Variants in U2SURP observed in about 807,000 individuals in gnomAD.
U2SURP encodes U2 snRNP-associated SURP motif-containing protein.
A neutral mutation model predicts 144.9 loss-of-function variants in U2SURP; 9 were observed. The ratio of observed to expected loss-of-function variants is 0.06; its 90% CI spans 0.04 to 0.11. U2SURP has a LOEUF of 0.11. Among genes scored for constraint, U2SURP ranks in the 10% least tolerant of loss-of-function variants. The probability of loss-of-function intolerance (pLI) is 1.00; values close to 1 mark genes in which losing one functional copy is unlikely to be tolerated. For missense variants in U2SURP, 724 were observed against 1,226.7 expected (o/e 0.59, Z 6.12); for synonymous variants, 408 against 396.8 (o/e 1.03, Z -0.33).
chr3:143,034,855 T>TAG (rs755371277), intron 18 of U2SURP, 33 bp from the exon 19 acceptor site: 21 of 1,408,790 alleles, frequency 1.5e-5, no homozygotes, highest in Non-Finnish European at 2.1e-5. Flanking sequence ...TTTTAAACAT[T>TAG]TTATTTTAAA....
chr3:143,001,800 G>A, intron 1 of U2SURP, 127 bp downstream of exon 1: 1 of 1,249,938 alleles, frequency 8.0e-7, no homozygotes, highest in Non-Finnish European at 1.1e-6. Flanking sequence ...GTAGGCCCGG[G>A]CGCCGCCGCA....
chr3:143,004,813 G>C (rs1029670145), intron 1 of U2SURP, among the ~76,000 whole-genome samples: 6 of 151,996 alleles, frequency 3.9e-5, no homozygotes, highest in African/African-American at 1.5e-4. Context: ...CTAGAAATGA[G>C]CTAAAATTTT....
At chr3:143,049,563 G>T (rs1360990266) in intron 24 of U2SURP, among the ~76,000 whole-genome samples, 1 of 152,094 alleles carries the variant, frequency 6.6e-6, no homozygotes, top group Non-Finnish European at 1.5e-5. Context: ...CAAGATCCAT[G>T]TGCTTTCTAC....
At chr3:143,018,195 C>T (rs1425320705) in intron 6 of U2SURP, among the ~76,000 whole-genome samples, 2 of 152,094 alleles carry the variant, frequency 1.3e-5, no homozygotes, top group Admixed American at 6.6e-5. Flanking sequence ...TCAGTCACTC[C>T]CATTTTTTTT....
rs1023912711 is a variant in U2SURP at position 143,058,679 on chromosome 3, A to G, written c.*2229A>G. 6.6e-6 allele frequency: 1 copy of G among 151,906 alleles called. No individual in the cohort carries two copies. Among genetic ancestry groups the G allele is most frequent in the Non-Finnish European group, 1.5e-5 (1 of 67,802 alleles). 9.4% of individuals were successfully genotyped at this position (151,906 alleles called of 1,614,324 possible). A position where few individuals can be genotyped will look rare whatever the true frequency, so the allele number is the denominator to read the frequency against. ...ACTTAATACTCCCATGGATTCTATGAAAGTTTAATGGGATCAGAAATTGGT... is the reference window on the plus strand; with the variant it reads ...ACTTAATACTCCCATGGATTCTATGGAAGTTTAATGGGATCAGAAATTGGT... On this transcript the variant is annotated 3_prime_UTR_variant, in exon 28 of 28. Coordinates refer to ENST00000473835, the MANE Select transcript of U2SURP (RefSeq NM_001080415.2).
In U2SURP at chr3:143,051,068, C is replaced by T; in HGVS notation, c.2655+19C>T. On this transcript the variant is annotated intron_variant, in intron 25 of 27. Coordinates refer to ENST00000473835, the MANE Select transcript of U2SURP (RefSeq NM_001080415.2). ...TCAACGAGTAAGGAATAAGTATACC[C>T]AATAATACACATATTTTGAAGTTAT... 1.4e-6 allele frequency: 2 copies of T among 1,408,958 alleles called. No individual in the cohort carries two copies. Among genetic ancestry groups the T allele is most frequent in the Non-Finnish European group, 2.0e-6 (2 of 1,013,448 alleles). 87.3% of individuals were successfully genotyped at this position (1,408,958 alleles called of 1,614,324 possible).
At chr3:143,040,891 A>G (rs912192615) in intron 23 of U2SURP, among the ~76,000 whole-genome samples, 2 of 151,886 alleles carry the variant, frequency 1.3e-5, no homozygotes, top group East Asian at 1.9e-4. Context: ...ATGCATAACT[A>G]TTGACATAAA....
intron 18 of U2SURP, 104 bp downstream of exon 18, chr3:143,033,454 C>T (rs188936959): frequency 9.8e-6 from 6 of 611,376 alleles, no homozygotes; most frequent in Admixed American, 3.1e-5. Context: ...ATAAGAAGTA[C>T]AGTCAGCCCT....
intron 1 of U2SURP, 73 bp downstream of exon 1, chr3:143,001,746 T>C: frequency 2.5e-6 from 4 of 1,583,834 alleles, no homozygotes; most frequent in Non-Finnish European, 3.4e-6. Flanking sequence ...GCTTCTGGCC[T>C]GTGAGAGGCG....
At chr3:143,054,619 G>A (rs1034709666) in intron 26 of U2SURP, among the ~76,000 whole-genome samples, 3 of 152,090 alleles carry the variant, frequency 2.0e-5, no homozygotes, top group Non-Finnish European at 4.4e-5. Context: ...CCAACATGAT[G>A]CCCCATTCTC....
intron 16 of U2SURP, among the ~76,000 whole-genome samples, chr3:143,031,422 C>CACCCTAACCTTCA (rs1179751345): frequency 0.033 from 5,018 of 151,058 alleles, 396 homozygotes; most frequent in African/African-American, 0.11. Flanking sequence ...CAGCTACCAC[C>CACCCTAACCTTCA]GCCCTAACCT....
chr3:143,024,662 C>A, intron 13 of U2SURP: 1 of 236,156 alleles, frequency 4.2e-6, no homozygotes, highest in Middle Eastern at 4.9e-4. Context: ...TAAGCCTTTT[C>A]CCAAACACAG....
intron 24 of U2SURP, among the ~76,000 whole-genome samples, chr3:143,045,927 T>A (rs1203988233): frequency 6.6e-6 from 1 of 152,254 alleles, no homozygotes; most frequent in Admixed American, 6.5e-5. Context: ...TCGGAGCTCA[T>A]GAGCTTTATC....
chr3:143,055,277 C>G (rs1038105483), intron 27 of U2SURP, among the ~76,000 whole-genome samples, 158 bp downstream of exon 27: 4 of 151,616 alleles, frequency 2.6e-5, no homozygotes, highest in Non-Finnish European at 4.4e-5. Flanking sequence ...TCCTCCCCAC[C>G]TCCTCATCCC....
At chr3:143,050,789 G>A in intron 24 of U2SURP, 150 bp from the exon 25 acceptor site, 1 of 532,236 alleles carries the variant, frequency 1.9e-6, no homozygotes, top group South Asian at 2.2e-5. Flanking sequence ...TTTTTGCCTA[G>A]TTGGACTTGT....
rs767600503 is a variant in U2SURP, at chr3:143,032,780, T to G, written c.1611-4T>G. 18 of 1,607,996 alleles carry G rather than the reference T, an allele frequency of 1.1e-5. No individual in the cohort carries two copies. In the African/African-American group the frequency reaches 2.4e-4, roughly 22 times the overall value. On this transcript the variant is annotated splice_region_variant and splice_polypyrimidine_tract_variant and intron_variant, in intron 16 of 27. Transcript: ENST00000473835. ...ATTTATAAGTTAAAACAATTTATGT[T>G]CAGACAGAGGGATAAATTGGAAGAA...
chr3:143,055,905 G>T (rs1935125797), intron 27 of U2SURP, among the ~76,000 whole-genome samples: 1 of 152,142 alleles, frequency 6.6e-6, no homozygotes. Flanking sequence ...CTTCAAAGCT[G>T]CTGTGTTTTT....
chr3:143,021,859 C>T (rs376696193), intron 10 of U2SURP, among the ~76,000 whole-genome samples: 128 of 152,248 alleles, frequency 8.4e-4, no homozygotes, highest in African/African-American at 3.0e-3. Context: ...ATACTTGTTT[C>T]CTTGTGGAGT....
At chr3:143,035,301 T>C (rs1034771230) in intron 19 of U2SURP, among the ~76,000 whole-genome samples, 1 of 152,214 alleles carries the variant, frequency 6.6e-6, no homozygotes, top group Non-Finnish European at 1.5e-5. Context: ...ATTTTAATCA[T>C]GTTTAGAAAG....
Sources: allele counts gnomAD v4.1 joint callset (sites outside exome capture counted in the v4.1 genomes callset), GRCh38; gene constraint gnomAD v4.1.1; transcripts MANE v1.5; gene names NCBI Gene and HGNC (gene_info 2026-07-23, HGNC 2026-07-21).